The following DCLK1 variants were observed in gnomAD, a reference collection of about 807,000 sequenced individuals.
DCLK1 encodes doublecortin like kinase 1.
DCLK1 carries 16 observed loss-of-function variants against 86.2 expected under a neutral mutation model. That is an observed-to-expected ratio of 0.19 (90% CI 0.13 to 0.28). The LOEUF is 0.28. Ranked by LOEUF, DCLK1 falls within the 10% of genes least tolerant of loss-of-function variation. The pLI is 1.00. For missense variants in DCLK1, 590 were observed against 940.2 expected, an observed-to-expected ratio of 0.63 and a Z score of 4.87; for synonymous variants, 369 against 370.5, an observed-to-expected ratio of 1.00 and a Z score of 0.05.
intron 3 of DCLK1, 48 bp downstream of exon 3, chr13:36,111,821 C>T (rs768151965): frequency 6.4e-6 from 10 of 1,550,922 alleles, no homozygotes; most frequent in Admixed American, 1.7e-5. Context: ...CCTCCGACTC[C>T]CTGGTTCTTG....
intron 3 of DCLK1, among the ~76,000 whole-genome samples, chr13:36,024,968 CTTT>C (rs1427973007): frequency 6.5e-5 from 9 of 139,084 alleles, no homozygotes; most frequent in Admixed American, 2.2e-4. Context: ...TCTTTTCTTT[CTTT>C]TTTTTTTTTT....
intron 5 of DCLK1, among the ~76,000 whole-genome samples, chr13:35,858,971 T>C (rs553838590): frequency 1.3e-5 from 2 of 152,338 alleles, no homozygotes; most frequent in East Asian, 1.9e-4. Context: ...TCTTGTTGAA[T>C]CACTGCTGGG....
At chr13:36,079,558 G>C (rs1273857868) in intron 3 of DCLK1, among the ~76,000 whole-genome samples, 1 of 152,100 alleles carries the variant, frequency 6.6e-6, no homozygotes, top group Non-Finnish European at 1.5e-5. Context: ...CTTAAACCCG[G>C]GAGACGGAGG....
At chr13:35,958,079 TACTATAACCATCACCACC>T (rs1878145208) in intron 3 of DCLK1, among the ~76,000 whole-genome samples, 2 of 10,300 alleles carry the variant, frequency 1.9e-4, no homozygotes, top group African/African-American at 1.5e-3. Context: ...CCACCACCAC[TACTATAACCATCACCACC>T]GCTATAACCA....
intron 4 of DCLK1, among the ~76,000 whole-genome samples, chr13:35,894,934 G>T (rs533519977): frequency 6.6e-6 from 1 of 152,274 alleles, no homozygotes; most frequent in South Asian, 2.1e-4. Flanking sequence ...TATTCAAGTA[G>T]ACTTTGATGC....
chr13:35,987,737 G>C (rs1880005930), intron 3 of DCLK1, among the ~76,000 whole-genome samples: 2 of 152,172 alleles, frequency 1.3e-5, no homozygotes, highest in East Asian at 1.9e-4. Context: ...CGGCCACAGT[G>C]GGGGAGCCAA....
At chr13:35,903,493 G>A (rs1014783410) in intron 4 of DCLK1, among the ~76,000 whole-genome samples, 6 of 151,964 alleles carry the variant, frequency 3.9e-5, no homozygotes, top group East Asian at 1.9e-4. Flanking sequence ...CTTTATAAAT[G>A]TCTTGATCAA....
chr13:35,790,561 CT>C (rs2086693395), intron 16 of DCLK1, among the ~76,000 whole-genome samples: 1 of 152,048 alleles, frequency 6.6e-6, no homozygotes, highest in South Asian at 2.1e-4. Flanking sequence ...ATTTTATAGC[CT>C]CTGGGGAGAG....
intron 5 of DCLK1, among the ~76,000 whole-genome samples, chr13:35,862,527 A>T (rs1016178794): frequency 1.3e-5 from 2 of 152,056 alleles, no homozygotes; most frequent in African/African-American, 4.8e-5. Flanking sequence ...CTGTTTCCAA[A>T]ACTCAACTGC....
At chr13:36,105,086 G>A (rs1885342582) in intron 3 of DCLK1, among the ~76,000 whole-genome samples, 1 of 152,144 alleles carries the variant, frequency 6.6e-6, no homozygotes, top group African/African-American at 2.4e-5. Flanking sequence ...AGAGGAAATT[G>A]AGATTCAGAG....
At chr13:36,079,455 C>A (rs1884336243) in intron 3 of DCLK1, among the ~76,000 whole-genome samples, 1 of 151,826 alleles carries the variant, frequency 6.6e-6, no homozygotes, top group South Asian at 2.1e-4. Flanking sequence ...CATGGTGAAA[C>A]CCTGTCTCTA....
chr13:35,885,808 A>T (rs991391382), intron 4 of DCLK1, among the ~76,000 whole-genome samples: 2 of 152,340 alleles, frequency 1.3e-5, no homozygotes, highest in Non-Finnish European at 2.9e-5. Context: ...AGTAATGATA[A>T]AATAATGATT....
intron 8 of DCLK1, among the ~76,000 whole-genome samples, chr13:35,830,206 T>G (rs1318715278): frequency 6.6e-6 from 1 of 151,796 alleles, no homozygotes; most frequent in African/African-American, 2.4e-5. Flanking sequence ...GTAAACATGG[T>G]GAAACCCTGA....
chr13:35,967,628 C>T (rs1446412535), intron 3 of DCLK1, among the ~76,000 whole-genome samples: 2 of 152,108 alleles, frequency 1.3e-5, no homozygotes, highest in Non-Finnish European at 2.9e-5. Context: ...TTGAAGGCAG[C>T]ATACTCGTTA....
At position 36,131,373 on chromosome 13, in the gene DCLK1, GGGCGGC is replaced by G. The variant is rs965603869; in HGVS notation, c.-285_-280del. The G allele has an allele frequency of 5.6e-5, 11 of 194,966 alleles. No homozygotes were observed. Among genetic ancestry groups the G allele is most frequent in the South Asian group, 8.7e-5 (1 of 11,442 alleles). 12.1% of individuals were successfully genotyped at this position (194,966 alleles called of 1,614,324 possible). On this transcript the variant is annotated 5_prime_UTR_variant, in exon 1 of 17. Transcript: ENST00000360631. ...CACTCCAGCCTCTCTCTCCAGAGGAGGGCGGCGGCGGCGGCGGCGGCGGGCGCGCTC... is the reference window on the plus strand; with the variant it reads ...CACTCCAGCCTCTCTCTCCAGAGGAGGGCGGCGGCGGCGGCGGGCGCGCTC...
At chr13:35,895,207 G>T (rs1873883135) in intron 4 of DCLK1, among the ~76,000 whole-genome samples, 2 of 151,962 alleles carry the variant, frequency 1.3e-5, no homozygotes, top group South Asian at 4.2e-4. Flanking sequence ...TTAAAGTGCT[G>T]GGAGAGGCCA....
intron 11 of DCLK1, among the ~76,000 whole-genome samples, chr13:35,812,327 G>GA (rs5802782): frequency 0.62 from 94,785 of 152,096 alleles, 31,952 homozygotes; most frequent in African/African-American, 0.88. Flanking sequence ...CAATCTTCAC[G>GA]AATGCCTCAA....
chr13:35,940,071 A>G (rs944890798), intron 4 of DCLK1, among the ~76,000 whole-genome samples: 3 of 152,098 alleles, frequency 2.0e-5, no homozygotes, highest in African/African-American at 7.2e-5. Context: ...AAATATAAAA[A>G]CTAGCCGGGC....
chr13:36,064,751 A>AG, intron 3 of DCLK1, among the ~76,000 whole-genome samples: 1 of 152,184 alleles, frequency 6.6e-6, no homozygotes, highest in East Asian at 1.9e-4. Context: ...ACAAAAAAAA[A>AG]AAGAAGAAGA....
Sources: allele counts gnomAD v4.1 joint callset (sites outside exome capture counted in the v4.1 genomes callset), GRCh38; gene constraint gnomAD v4.1.1; transcripts MANE v1.5; gene names NCBI Gene and HGNC (gene_info 2026-07-23, HGNC 2026-07-21).